EFNA5: variants seen among roughly 807,000 people sequenced by gnomAD.
EFNA5 encodes ephrin-A5.
EFNA5 carries 5 observed loss-of-function variants against 22.9 expected under a neutral mutation model. That is an observed-to-expected ratio of 0.22 (90% CI 0.11 to 0.46). EFNA5 has a LOEUF of 0.46. Among genes scored for constraint, EFNA5 ranks in the 20% least tolerant of loss-of-function variants. EFNA5 has a pLI of 0.99. For synonymous variants in EFNA5, 113 were observed against 112.2 expected, an observed-to-expected ratio of 1.01 and a Z score of -0.04; for missense variants, 237 against 293.3, an observed-to-expected ratio of 0.81 and a Z score of 1.40.
rs950581785 is a variant in EFNA5 at position 107,623,985 on chromosome 5, G to A, written c.125+46504C>T. Reference sequence around the variant, plus strand: ...TTTCCAATACACAAGTGGGGGAGTCGCCTACTTCATCCAATTCACATTCTT... The same window carrying A: ...TTTCCAATACACAAGTGGGGGAGTCACCTACTTCATCCAATTCACATTCTT... On this transcript the variant is annotated intron_variant, in intron 1 of 4. Coordinates refer to ENST00000333274, the MANE Select transcript of EFNA5 (RefSeq NM_001962.3). 1.6e-4 allele frequency among the ~76,000 whole-genome samples: 25 copies of A among 151,958 alleles called. 1 individual carries two copies. Among genetic ancestry groups the A allele is most frequent in the Middle Eastern group, 6.8e-3 (2 of 294 alleles).
chr5:107,498,198 G>A (rs1048897232), intron 1 of EFNA5, among the ~76,000 whole-genome samples: 1 of 152,250 alleles, frequency 6.6e-6, no homozygotes, highest in Non-Finnish European at 1.5e-5. Context: ...TTACAGGCGT[G>A]AGCCAACAAG....
chr5:107,509,672 A>G (rs922322299), intron 1 of EFNA5, among the ~76,000 whole-genome samples: 15 of 151,962 alleles, frequency 9.9e-5, no homozygotes, highest in African/African-American at 3.6e-4. Context: ...ATATACTCAT[A>G]TACAGATGAA....
chr5:107,571,529 G>A (rs1274521558), intron 1 of EFNA5, among the ~76,000 whole-genome samples: 1 of 144,858 alleles, frequency 6.9e-6, no homozygotes, highest in African/African-American at 2.5e-5. Flanking sequence ...AAATTACCAA[G>A]GGTCATCCTC....
At chr5:107,641,696 T>G (rs1397099483) in intron 1 of EFNA5, among the ~76,000 whole-genome samples, 1 of 152,224 alleles carries the variant, frequency 6.6e-6, no homozygotes, top group African/African-American at 2.4e-5. Context: ...GCATTTAATT[T>G]TTAATTAAAT....
At chr5:107,591,456 C>T (rs1749322531) in intron 1 of EFNA5, among the ~76,000 whole-genome samples, 1 of 152,050 alleles carries the variant, frequency 6.6e-6, no homozygotes, top group Non-Finnish European at 1.5e-5. Context: ...GTGTTACCTG[C>T]TTTGCCTTTA....
intron 1 of EFNA5, among the ~76,000 whole-genome samples, chr5:107,430,058 T>G (rs1723808116): frequency 6.6e-6 from 1 of 152,206 alleles, no homozygotes; most frequent in African/African-American, 2.4e-5. Flanking sequence ...CATAACCATT[T>G]TTTTAAAAAC....
At chr5:107,563,102 T>C (rs1324662181) in intron 1 of EFNA5, among the ~76,000 whole-genome samples, 1 of 152,296 alleles carries the variant, frequency 6.6e-6, no homozygotes, top group South Asian at 2.1e-4. Context: ...CCATACCCAA[T>C]TCTAGGGGAA....
intron 1 of EFNA5, among the ~76,000 whole-genome samples, chr5:107,638,546 A>G (rs1320890428): frequency 6.6e-6 from 1 of 152,244 alleles, no homozygotes; most frequent in Non-Finnish European, 1.5e-5. Context: ...TAACAATACA[A>G]AAATGCAAAA....
rs1221982635 is a variant in EFNA5 at position 107,387,216 on chromosome 5, A to G, written c.565+19T>C. The stretch of plus-strand genomic sequence containing the variant: ...GAAATAGATGCATTTGTTAAAAGAG[A>G]TTCTCTAAGCATACTAACCTGCTGG... On this transcript the variant is annotated intron_variant, in intron 4 of 4. Transcript: ENST00000333274. The G allele has an allele frequency of 6.5e-7, 1 of 1,544,094 alleles. No individual in the cohort carries two copies. Among genetic ancestry groups the G allele is most frequent in the African/African-American group, 1.4e-5 (1 of 73,068 alleles).
intron 2 of EFNA5, among the ~76,000 whole-genome samples, chr5:107,400,449 T>C (rs952348633): frequency 6.6e-6 from 1 of 152,202 alleles, no homozygotes; most frequent in African/African-American, 2.4e-5. Context: ...TATGACCACC[T>C]AATCGAAAGC....
chr5:107,427,317 G>C lies in EFNA5; in HGVS notation c.318C>G (p.His106Gln). 1.2e-6 allele frequency: 2 copies of C among 1,614,164 alleles called. No homozygotes were observed. Among genetic ancestry groups the C allele is most frequent in the South Asian group, 2.2e-5 (2 of 91,082 alleles). Residue 106 changes from histidine to glutamine, a missense_variant, in exon 2 of 5, where the codon CAC becomes CAG. Physicochemically the swap from His to Gln is conservative, Grantham distance 24 (BLOSUM62 0). This residue lies in a region of EFNA5 where 120 missense variants were observed against 140.5 expected (regional missense o/e 0.85). Transcript: ENST00000333274. The stretch of plus-strand genomic sequence containing the variant: ...AGAACTTCAGCGGTCCATTTGGAGA[G>C]TGAGGCCGGTTACATTCCCATCTCT... ...GFKRWECNRP[H>Q]SPNGPLKFSE...
intron 1 of EFNA5, among the ~76,000 whole-genome samples, chr5:107,506,586 T>A (rs112448162): frequency 5.8e-4 from 88 of 152,002 alleles, no homozygotes; most frequent in African/African-American, 2.1e-3. Flanking sequence ...GAGCAGGGGA[T>A]TTGAGAAATG....
chr5:107,547,826 T>C (rs1748200675), intron 1 of EFNA5, among the ~76,000 whole-genome samples: 5 of 152,222 alleles, frequency 3.3e-5, no homozygotes, highest in Admixed American at 2.6e-4. Flanking sequence ...AATGTAACTT[T>C]GGTAAAATAG....
At chr5:107,521,476 A>ATATATATATT (rs1491248327) in intron 1 of EFNA5, among the ~76,000 whole-genome samples, 2 of 58,362 alleles carry the variant, frequency 3.4e-5, no homozygotes, top group African/African-American at 6.9e-5. Context: ...ATATATATAT[A>ATATATATATT]TTTTTTTTTT....
chr5:107,499,928 A>G (rs1051452455), intron 1 of EFNA5, among the ~76,000 whole-genome samples: 2 of 152,216 alleles, frequency 1.3e-5, no homozygotes, highest in Admixed American at 6.5e-5. Context: ...GAGAGGGGCC[A>G]GCAGGAGAAA....
chr5:107,450,111 G>A (rs1437097752), intron 1 of EFNA5, among the ~76,000 whole-genome samples: 4 of 152,192 alleles, frequency 2.6e-5, no homozygotes, highest in Non-Finnish European at 4.4e-5. Context: ...GCAGAAAGCC[G>A]TGAAATATTT....
intron 1 of EFNA5, among the ~76,000 whole-genome samples, chr5:107,466,925 G>A (rs1750003711): frequency 6.6e-6 from 1 of 152,164 alleles, no homozygotes; most frequent in African/African-American, 2.4e-5. Context: ...AATTAATTGG[G>A]AAGAGCGTTA....
chr5:107,498,259 T>C (rs1747039706), intron 1 of EFNA5, among the ~76,000 whole-genome samples: 1 of 152,188 alleles, frequency 6.6e-6, no homozygotes, highest in Non-Finnish European at 1.5e-5. Context: ...TCAATGCAAA[T>C]ATAAGAGCAT....
chr5:107,556,732 G>A (rs1748425409), intron 1 of EFNA5, among the ~76,000 whole-genome samples: 2 of 150,180 alleles, frequency 1.3e-5, no homozygotes, highest in South Asian at 2.1e-4. Context: ...GGTGACAGGA[G>A]CAAAATTCCA....
Sources: allele counts gnomAD v4.1 joint callset (sites outside exome capture counted in the v4.1 genomes callset), GRCh38; gene constraint gnomAD v4.1.1; regional missense constraint gnomAD v4.1.1; transcripts MANE v1.5; gene names NCBI Gene and HGNC (gene_info 2026-07-23, HGNC 2026-07-21).